TBC1D5: variants seen among roughly 807,000 people sequenced by gnomAD.
The protein encoded by TBC1D5 is TBC1 domain family member 5.
Under a neutral mutation model 100.3 loss-of-function variants are expected in TBC1D5, and 75 were observed. The observed-to-expected ratio is 0.75, with a 90% confidence interval of 0.62 to 0.91. TBC1D5 has a LOEUF of 0.91. TBC1D5 is among the 40% of genes least tolerant of loss of function. TBC1D5 has a pLI of 0.00. For synonymous variants in TBC1D5, 323 were observed against 325.6 expected, an observed-to-expected ratio of 0.99 and a Z score of 0.09; for missense variants, 910 against 942.4, an observed-to-expected ratio of 0.97 and a Z score of 0.45.
intron 2 of TBC1D5, among the ~76,000 whole-genome samples, chr3:17,534,069 T>C (rs1224258731): frequency 6.6e-6 from 1 of 152,100 alleles, no homozygotes; most frequent in Non-Finnish European, 1.5e-5. Flanking sequence ...AGTTAGAGTA[T>C]TGTCTTTCCT....
chr3:17,341,023 ACT>A (rs1346879715), intron 13 of TBC1D5, among the ~76,000 whole-genome samples: 1 of 152,032 alleles, frequency 6.6e-6, no homozygotes, highest in Non-Finnish European at 1.5e-5. Flanking sequence ...TTGCATAATG[ACT>A]CTACTGTGAT....
chr3:17,406,952 T>C lies in TBC1D5; in HGVS notation c.168-426A>G, dbSNP rs1363054690. On this transcript the variant is annotated intron_variant, in intron 4 of 21. Coordinates refer to ENST00000253692, the Ensembl canonical transcript of TBC1D5. ...AAATACCTCTTTAAATGATCCGATT[T>C]CTCTTTAATGTCAGGCTGGACAGTA... 3.3e-5 allele frequency among the ~76,000 whole-genome samples: 5 copies of C among 152,226 alleles called. No homozygotes were observed. In the East Asian group the frequency reaches 9.7e-4, roughly 29 times the overall value.
At chr3:17,722,687 C>T (rs2075799949) in intron 1 of TBC1D5, among the ~76,000 whole-genome samples, 2 of 152,328 alleles carry the variant, frequency 1.3e-5, no homozygotes, top group Middle Eastern at 3.4e-3. Flanking sequence ...GCAAGGTAGT[C>T]GTTATCCCCA....
chr3:17,593,993 T>A (rs545646223), intron 2 of TBC1D5, among the ~76,000 whole-genome samples: 1 of 152,134 alleles, frequency 6.6e-6, no homozygotes, highest in African/African-American at 2.4e-5. Flanking sequence ...CCCCTAGTGA[T>A]CCACTAGCAA....
At chr3:17,379,649 T>C (rs2092852962) in intron 9 of TBC1D5, among the ~76,000 whole-genome samples, 1 of 152,078 alleles carries the variant, frequency 6.6e-6, no homozygotes, top group Admixed American at 6.6e-5. Context: ...TCCCTCATTA[T>C]GTGCAGGAGA....
intron 13 of TBC1D5, among the ~76,000 whole-genome samples, chr3:17,368,647 T>C (rs2092304082): frequency 1.3e-5 from 2 of 151,908 alleles, no homozygotes; most frequent in Admixed American, 1.3e-4. Context: ...ATTATTGACA[T>C]TTTTATTATA....
intron 1 of TBC1D5, among the ~76,000 whole-genome samples, chr3:17,713,753 T>C (rs1425790103): frequency 6.6e-6 from 1 of 152,164 alleles, no homozygotes; most frequent in African/African-American, 2.4e-5. Context: ...AAAGAAGATA[T>C]TCAAATGGCC....
exon 22 of TBC1D5, chr3:17,158,310 G>A (rs951802678): frequency 1.3e-5 from 2 of 152,098 alleles, no homozygotes; most frequent in Admixed American, 6.5e-5. Context: ...TAATCAAAAC[G>A]TAAGAAGGGT....
In TBC1D5 at chr3:17,242,823, C is replaced by T. The variant is rs188482026; in HGVS notation, c.1332-4404G>A. Reference sequence around the variant, plus strand: ...GGAAAGCACAATTTAGAAAATAAACCGATATATATATATAAATATTTTTAC... The same window carrying T: ...GGAAAGCACAATTTAGAAAATAAACTGATATATATATATAAATATTTTTAC... On this transcript the variant is annotated intron_variant, in intron 16 of 21. Coordinates refer to ENST00000253692, the Ensembl canonical transcript of TBC1D5. Among the ~76,000 whole-genome samples, 1,403 of 151,736 alleles carry T rather than the reference C, an allele frequency of 9.2e-3. 24 individuals carry two copies. Among genetic ancestry groups the T allele is most frequent in the African/African-American group, 0.031 (1,304 of 41,410 alleles).
At chr3:17,713,399 G>A (rs1440478072) in intron 1 of TBC1D5, among the ~76,000 whole-genome samples, 1 of 151,818 alleles carries the variant, frequency 6.6e-6, no homozygotes, top group Non-Finnish European at 1.5e-5. Flanking sequence ...CCGTCACCAC[G>A]CCCGGCTAAT....
At chr3:17,605,298 A>G (rs549236603) in intron 2 of TBC1D5, among the ~76,000 whole-genome samples, 2 of 152,310 alleles carry the variant, frequency 1.3e-5, no homozygotes, top group South Asian at 2.1e-4. Context: ...AAACCACACA[A>G]TTAAAACAAA....
intron 18 of TBC1D5, among the ~76,000 whole-genome samples, chr3:17,212,462 C>T (rs994302920): frequency 2.0e-5 from 3 of 152,112 alleles, no homozygotes; most frequent in Admixed American, 1.3e-4. Context: ...CTACATTATA[C>T]TTTTTATCAT....
intron 18 of TBC1D5, among the ~76,000 whole-genome samples, chr3:17,187,651 T>C (rs545998180): frequency 1.6e-4 from 25 of 152,202 alleles, no homozygotes; most frequent in Non-Finnish European, 2.8e-4. Flanking sequence ...AACACTAACT[T>C]AGCATATGGC....
chr3:17,171,684 G>C lies in TBC1D5; in HGVS notation c.1853-3856C>G, dbSNP rs1022851386. Among the ~76,000 whole-genome samples the C allele has an allele frequency of 2.0e-5, 3 of 152,164 alleles. No homozygotes were observed. The East Asian group carries it at 5.8e-4, about 29-fold the overall frequency. On this transcript the variant is annotated intron_variant, in intron 19 of 21. Coordinates refer to ENST00000253692, the Ensembl canonical transcript of TBC1D5. ...ATTAGGGTAAGCCCTAATCTAGTAT[G>C]ATCTTATCTTCACTGAACTACATCT... is the stretch of plus-strand genomic sequence containing the variant.
At chr3:17,696,383 A>T (rs2072082369) in intron 1 of TBC1D5, among the ~76,000 whole-genome samples, 1 of 152,196 alleles carries the variant, frequency 6.6e-6, no homozygotes, top group Admixed American at 6.6e-5. Flanking sequence ...GGAGAGAAGA[A>T]TCAAATAGAT....
intron 2 of TBC1D5, among the ~76,000 whole-genome samples, chr3:17,530,409 C>CT (rs1220873411): frequency 6.6e-6 from 1 of 152,086 alleles, no homozygotes; most frequent in Non-Finnish European, 1.5e-5. Context: ...TCATTTCTCT[C>CT]TGTTTAGAGG....
intron 3 of TBC1D5, among the ~76,000 whole-genome samples, chr3:17,466,063 C>T (rs1233237591): frequency 6.6e-6 from 1 of 152,178 alleles, no homozygotes; most frequent in African/African-American, 2.4e-5. Flanking sequence ...GGGATCCCTG[C>T]CATCTTGCGT....
At chr3:17,624,025 T>C (rs552728402) in intron 1 of TBC1D5, 112 bp from the exon 2 acceptor site, 9 of 152,312 alleles carry the variant, frequency 5.9e-5, no homozygotes, top group African/African-American at 1.9e-4. Flanking sequence ...CAACTTAATG[T>C]ACATACTAAA....
intron 2 of TBC1D5, among the ~76,000 whole-genome samples, chr3:17,558,844 C>T (rs984118675): frequency 6.6e-6 from 1 of 152,218 alleles, no homozygotes; most frequent in South Asian, 2.1e-4. Flanking sequence ...GCATTCCTAC[C>T]TTGAATTTTT....
Sources: gnomAD v4.1 joint callset for allele counts (sites outside exome capture counted in the v4.1 genomes callset) on GRCh38, gnomAD v4.1.1 for gene constraint, MANE v1.5 for transcripts, NCBI Gene and HGNC (gene_info 2026-07-23, HGNC 2026-07-21) for gene names.